The following SGCD variants were observed in gnomAD, a reference collection of about 807,000 sequenced individuals.
The protein encoded by SGCD is sarcoglycan delta, also known as delta-sarcoglycan.
In SGCD, 18 loss-of-function variants were observed where a neutral mutation model predicts 36.6. The observed-to-expected ratio is 0.49, with a 90% CI of 0.34 to 0.73. SGCD has a LOEUF of 0.73. SGCD is among the 30% of genes least tolerant of loss of function. SGCD has a pLI of 0.01. For synonymous variants in SGCD, 133 were observed against 130.6 expected (o/e 1.02, Z -0.12); for missense variants, 387 against 346.7 (o/e 1.12, Z -0.92).
intron 6 of SGCD, among the ~76,000 whole-genome samples, chr5:156,607,118 T>C (rs946720123): frequency 6.6e-6 from 1 of 152,200 alleles, no homozygotes; most frequent in Admixed American, 6.5e-5. Flanking sequence ...ATCCCTGTCT[T>C]GTGCCAGTTT....
At chr5:156,540,658 G>T (rs1045387625) in intron 4 of SGCD, among the ~76,000 whole-genome samples, 3 of 152,120 alleles carry the variant, frequency 2.0e-5, no homozygotes, top group Non-Finnish European at 4.4e-5. Context: ...ATTTCGCATA[G>T]TTTGCTGCTT....
intron 3 of SGCD, among the ~76,000 whole-genome samples, chr5:156,496,760 A>G (rs971200555): frequency 6.6e-6 from 1 of 152,174 alleles, no homozygotes; most frequent in African/African-American, 2.4e-5. Context: ...ATGTAGGGAA[A>G]TATAGTCCTA....
chr5:155,934,356 G>T lies in SGCD; in HGVS notation c.-282+63932G>T, dbSNP rs534052237. 2.3e-4 allele frequency among the ~76,000 whole-genome samples: 35 copies of T among 152,338 alleles called. No individual in the cohort carries two copies. The South Asian group carries it at 6.8e-3, about 30-fold the overall frequency. ...TTGCTCACATCCCAGAGCTGCGTTGGCAAGAAGCCTTTTTAACGATCTTTT... is the reference window on the plus strand; with the variant it reads ...TTGCTCACATCCCAGAGCTGCGTTGTCAAGAAGCCTTTTTAACGATCTTTT... On this transcript the variant is annotated intron_variant, in intron 1 of 9. Coordinates refer to the SGCD transcript ENST00000517913.
At chr5:156,333,263 C>G (rs976503921) in intron 2 of SGCD, among the ~76,000 whole-genome samples, 3 of 152,112 alleles carry the variant, frequency 2.0e-5, no homozygotes, top group African/African-American at 7.2e-5. Context: ...TTTGTTGTAG[C>G]TGCTTTTCAT....
chr5:156,639,050 A>G lies in SGCD; in HGVS notation c.503-8414A>G, dbSNP rs1176713995. Among the ~76,000 whole-genome samples the G allele has an allele frequency of 3.9e-5, 6 of 151,936 alleles. No homozygotes were observed. The East Asian group carries it at 1.2e-3, about 29-fold the overall frequency. ...CATCACTATCTTTTATCATAATAAAATATATCTACCATCTATTTTGATATG... is the reference window on the plus strand; with the variant it reads ...CATCACTATCTTTTATCATAATAAAGTATATCTACCATCTATTTTGATATG... On this transcript the variant is annotated intron_variant, in intron 6 of 8. Transcript: ENST00000337851.
chr5:156,107,370 A>T (rs1016087071), intron 1 of SGCD, among the ~76,000 whole-genome samples: 1 of 152,166 alleles, frequency 6.6e-6, no homozygotes, highest in South Asian at 2.1e-4. Context: ...CAGAAGGTTC[A>T]CGGAACCCCT....
chr5:156,512,392 A>G (rs1013387602), intron 4 of SGCD, among the ~76,000 whole-genome samples: 4 of 152,082 alleles, frequency 2.6e-5, no homozygotes, highest in Non-Finnish European at 5.9e-5. Flanking sequence ...CCAGTTGCCT[A>G]CAATATTCAG....
chr5:156,029,459 C>A (rs1366174736), intron 1 of SGCD, among the ~76,000 whole-genome samples: 1 of 152,136 alleles, frequency 6.6e-6, no homozygotes, highest in Non-Finnish European at 1.5e-5. Context: ...GCATGACAAG[C>A]CTTGGAGATA....
chr5:156,009,615 CA>C (rs1280355736), intron 1 of SGCD, among the ~76,000 whole-genome samples: 1 of 152,164 alleles, frequency 6.6e-6, no homozygotes, highest in African/African-American at 2.4e-5. Flanking sequence ...ATACATAAAA[CA>C]TATTTGAATA....
chr5:156,747,062 C>A (rs73304945), intron 7 of SGCD, among the ~76,000 whole-genome samples: 1 of 151,802 alleles, frequency 6.6e-6, no homozygotes, highest in Non-Finnish European at 1.5e-5. Context: ...TAAATAGACC[C>A]CTTCCAAATA....
chr5:156,149,486 G>C (rs1465649272), intron 3 of SGCD, among the ~76,000 whole-genome samples: 1 of 152,120 alleles, frequency 6.6e-6, no homozygotes, highest in Non-Finnish European at 1.5e-5. Context: ...CTTATCTCAG[G>C]ATCCAGAGTC....
chr5:156,005,500 G>T (rs1758742047), intron 1 of SGCD, among the ~76,000 whole-genome samples: 1 of 152,062 alleles, frequency 6.6e-6, no homozygotes, highest in Non-Finnish European at 1.5e-5. Context: ...GCCCAGGCTG[G>T]AGTGCAGTGG....
intron 3 of SGCD, among the ~76,000 whole-genome samples, chr5:156,387,841 A>G (rs1292994705): frequency 1.3e-5 from 2 of 152,218 alleles, no homozygotes; most frequent in Admixed American, 1.3e-4. Context: ...GGTGCAGGAC[A>G]TTAGTTTCCC....
At chr5:156,592,059 T>G (rs994847154) in intron 5 of SGCD, among the ~76,000 whole-genome samples, 1 of 152,206 alleles carries the variant, frequency 6.6e-6, no homozygotes, top group Non-Finnish European at 1.5e-5. Context: ...TGAAGCATAC[T>G]TTCTATACTG....
At chr5:156,730,196 A>G (rs1483107364) in intron 7 of SGCD, among the ~76,000 whole-genome samples, 1 of 152,196 alleles carries the variant, frequency 6.6e-6, no homozygotes. Context: ...TCTACTAAGT[A>G]AAATGTCAGA....
chr5:155,966,033 A>T (rs765076150), intron 1 of SGCD, among the ~76,000 whole-genome samples: 12 of 152,088 alleles, frequency 7.9e-5, no homozygotes, highest in Non-Finnish European at 1.2e-4. Flanking sequence ...CACTTAAAAA[A>T]TCATCATTAA....
At chr5:156,437,748 T>A (rs1175984643) in intron 3 of SGCD, among the ~76,000 whole-genome samples, 1 of 152,150 alleles carries the variant, frequency 6.6e-6, no homozygotes, top group Non-Finnish European at 1.5e-5. Flanking sequence ...GAGATGGCAA[T>A]TCAGGGAAAT....
chr5:156,259,493 T>C (rs890402738), intron 3 of SGCD, among the ~76,000 whole-genome samples: 4 of 152,266 alleles, frequency 2.6e-5, no homozygotes, highest in East Asian at 1.9e-4. Context: ...TTTTCCTTTA[T>C]GGTTTCTATG....
At chr5:156,470,782 C>A (rs1754927565) in intron 3 of SGCD, among the ~76,000 whole-genome samples, 1 of 152,108 alleles carries the variant, frequency 6.6e-6, no homozygotes, top group African/African-American at 2.4e-5. Context: ...AAATTGTGTT[C>A]ATCTCTAATA....
Sources: gnomAD v4.1 joint callset for allele counts (sites outside exome capture counted in the v4.1 genomes callset) on GRCh38, gnomAD v4.1.1 for gene constraint, MANE v1.5 for transcripts, NCBI Gene and HGNC (gene_info 2026-07-23, HGNC 2026-07-21) for gene names.